The following NCS1 variants were observed in gnomAD, a reference collection of about 807,000 sequenced individuals.
NCS1 encodes the protein neuronal calcium sensor 1.
A neutral mutation model predicts 28.4 loss-of-function variants in NCS1; 6 were observed. That is an observed-to-expected ratio of 0.21 (90% CI 0.12 to 0.42). NCS1 has a LOEUF of 0.42. NCS1 is among the 10% of genes least tolerant of loss of function. The pLI is 1.00. For synonymous variants in NCS1, 86 were observed against 99.3 expected, an observed-to-expected ratio of 0.87 and a Z score of 0.79; for missense variants, 131 against 241.4, an observed-to-expected ratio of 0.54 and a Z score of 3.03.
intron 2 of NCS1, among the ~76,000 whole-genome samples, chr9:130,214,960 G>A (rs1180874436): frequency 1.3e-5 from 2 of 152,206 alleles, no homozygotes; most frequent in East Asian, 1.9e-4. Flanking sequence ...CTGTGCTGGC[G>A]CTGTGCACAG....
In NCS1 at chr9:130,215,396, A is replaced by G. The variant is rs925990159; in HGVS notation, c.90-2436A>G. ...GCTTTGCTTCCTTCTTGCTTGGCCA[A>G]TCCAAGCAGGGGCTCAGAACAGACC... On this transcript the variant is annotated intron_variant, in intron 2 of 7. Coordinates refer to ENST00000372398, the MANE Select transcript of NCS1 (RefSeq NM_014286.4). The surrounding 1 kb of genome is among the most constrained non-coding windows in gnomAD (Gnocchi z 4.2). Among the ~76,000 whole-genome samples the G allele has an allele frequency of 2.0e-4, 30 of 151,988 alleles. No homozygotes were observed. Among genetic ancestry groups the G allele is most frequent in the African/African-American group, 7.0e-4 (29 of 41,386 alleles).
intron 1 of NCS1, among the ~76,000 whole-genome samples, chr9:130,196,509 C>G (rs1005994155): frequency 3.3e-5 from 5 of 152,170 alleles, no homozygotes; most frequent in Admixed American, 2.6e-4. Flanking sequence ...GAGGCCGAGG[C>G]GGATGGAACA....
intron 1 of NCS1, among the ~76,000 whole-genome samples, chr9:130,198,147 G>A (rs1327052832): frequency 1.3e-5 from 2 of 152,150 alleles, no homozygotes; most frequent in Non-Finnish European, 2.9e-5. Context: ...CCTGGGGCTC[G>A]GCTGCCTGCT....
intron 2 of NCS1, among the ~76,000 whole-genome samples, chr9:130,213,441 G>A (rs1833141083): frequency 6.6e-6 from 1 of 150,726 alleles, no homozygotes; most frequent in Non-Finnish European, 1.5e-5. Flanking sequence ...ACCACGCCCG[G>A]CTAATTTTTT....
chr9:130,212,028 C>T (rs999556676), intron 2 of NCS1, among the ~76,000 whole-genome samples: 8 of 140,294 alleles, frequency 5.7e-5, no homozygotes, highest in Non-Finnish European at 8.2e-5. Context: ...GGGGGAAGGG[C>T]AGACCATGTG....
intron 2 of NCS1, among the ~76,000 whole-genome samples, chr9:130,214,244 C>T (rs1444054556): frequency 1.3e-5 from 2 of 152,188 alleles, no homozygotes; most frequent in African/African-American, 2.4e-5. Flanking sequence ...GGGGCTGGGC[C>T]GACTTCCTGA....
Position 130,236,960 on chromosome 9 carries a change from T to G in NCS1, c.*3988T>G, listed in dbSNP as rs1232489469. 1 of 152,240 alleles carries G rather than the reference T, an allele frequency of 6.6e-6. No homozygotes were observed. Among genetic ancestry groups the G allele is most frequent in the Non-Finnish European group, 1.5e-5 (1 of 68,104 alleles). 9.4% of individuals were successfully genotyped at this position (152,240 alleles called of 1,614,324 possible). On this transcript the variant is annotated 3_prime_UTR_variant, in exon 8 of 8. Transcript: ENST00000372398. ...TCATCATCAAAGCCCCTCACAGAAG[T>G]GGAGGACGGTGCCCAAGAGTAGCGG...
chr9:130,184,474 CTT>C (rs1186138732), intron 1 of NCS1, among the ~76,000 whole-genome samples: 1 of 152,124 alleles, frequency 6.6e-6, no homozygotes. Context: ...CCTGGCACGG[CTT>C]ATCCCAGGCT....
chr9:130,178,426 C>A (rs1588106829), intron 1 of NCS1, among the ~76,000 whole-genome samples: 1 of 152,236 alleles, frequency 6.6e-6, no homozygotes, highest in Admixed American at 6.5e-5. Flanking sequence ...TCTCCCATCA[C>A]CCCGTGTCAG....
intron 1 of NCS1, among the ~76,000 whole-genome samples, chr9:130,197,556 G>T (rs1832890900): frequency 6.6e-6 from 1 of 152,206 alleles, no homozygotes; most frequent in Non-Finnish European, 1.5e-5. Context: ...TCAGCAGGGG[G>T]CTGGGGTTTG....
At chr9:130,216,698 A>G (rs1447974539) in intron 2 of NCS1, among the ~76,000 whole-genome samples, 1 of 150,862 alleles carries the variant, frequency 6.6e-6, no homozygotes, top group African/African-American at 2.4e-5. Flanking sequence ...CCTGGGCGAC[A>G]CAGTGAGACT....
intron 7 of NCS1, among the ~76,000 whole-genome samples, chr9:130,227,045 GAAAA>G (rs1332392681): frequency 7.9e-6 from 1 of 126,668 alleles, no homozygotes; most frequent in Non-Finnish European, 1.7e-5. Flanking sequence ...AAAAAGAAAA[GAAAA>G]AAAAAAAAAG....
intron 1 of NCS1, among the ~76,000 whole-genome samples, chr9:130,182,432 C>T (rs1832673496): frequency 6.6e-6 from 1 of 152,218 alleles, no homozygotes; most frequent in Admixed American, 6.5e-5. Flanking sequence ...TCCCGGACTC[C>T]TGGGCTGGGT....
intron 2 of NCS1, among the ~76,000 whole-genome samples, chr9:130,203,564 C>G (rs1457898277): frequency 6.6e-6 from 1 of 152,118 alleles, no homozygotes; most frequent in South Asian, 2.1e-4. Flanking sequence ...AGCAGCTGTC[C>G]CCCACGCCCA....
intron 1 of NCS1, among the ~76,000 whole-genome samples, chr9:130,183,308 G>GC (rs5900888): frequency 0.15 from 22,606 of 150,320 alleles, 1,839 homozygotes; most frequent in Middle Eastern, 0.18. Context: ...CATGCGGCTG[G>GC]GGGGGGGAGC....
intron 1 of NCS1, among the ~76,000 whole-genome samples, chr9:130,198,196 G>T (rs1188577601): frequency 1.3e-5 from 2 of 152,188 alleles, no homozygotes; most frequent in African/African-American, 4.8e-5. Flanking sequence ...TTCCAATGGG[G>T]GGAGCCCTAG....
intron 1 of NCS1, among the ~76,000 whole-genome samples, chr9:130,199,197 G>C (rs1472320600): frequency 6.6e-6 from 1 of 151,776 alleles, no homozygotes; most frequent in African/African-American, 2.4e-5. Flanking sequence ...GGGTTCAAGC[G>C]ATTCTCCTGC....
chr9:130,222,867 G>C, intron 5 of NCS1, 129 bp downstream of exon 5: 1 of 1,024,306 alleles, frequency 9.8e-7, no homozygotes, highest in Non-Finnish European at 1.5e-6. Context: ...TGGCTGAGCC[G>C]TTCTGTACAT....
At position 130,200,170 on chromosome 9, in the gene NCS1, C is replaced by T. The variant is rs926990661; in HGVS notation, c.65-788C>T. On this transcript the variant is annotated intron_variant, in intron 1 of 7. Coordinates refer to ENST00000372398, the MANE Select transcript of NCS1 (RefSeq NM_014286.4). Reference sequence around the variant, plus strand: ...CCAAGGCAGGGAGTGCAGGAGGAGCCGTCCCGCGCTCACACAGGCAGGGAG... The same window carrying T: ...CCAAGGCAGGGAGTGCAGGAGGAGCTGTCCCGCGCTCACACAGGCAGGGAG... 3.9e-5 allele frequency among the ~76,000 whole-genome samples: 6 copies of T among 152,270 alleles called. No individual in the cohort carries two copies. The South Asian group carries it at 1.2e-3, about 32-fold the overall frequency.
Sources: allele counts gnomAD v4.1 joint callset (sites outside exome capture counted in the v4.1 genomes callset), GRCh38; gene constraint gnomAD v4.1.1; non-coding constraint Gnocchi (gnomAD v3.1); transcripts MANE v1.5; gene names NCBI Gene and HGNC (gene_info 2026-07-23, HGNC 2026-07-21).